The following ZNF705G variants were observed in gnomAD, a reference collection of about 807,000 sequenced individuals.
ZNF705G encodes the protein zinc finger protein 705G, also known as putative zinc finger protein 705G.
Under a neutral mutation model 19.6 loss-of-function variants are expected in ZNF705G, and 23 were observed. That is an observed-to-expected ratio of 1.17 (90% CI 0.84 to 1.66). The LOEUF (loss-of-function observed/expected upper bound fraction) is 1.66. Among genes scored for constraint, ZNF705G ranks in the 40% most tolerant of loss-of-function variants. The pLI, the probability that ZNF705G is intolerant of heterozygous loss-of-function variation, is 0.00. For synonymous variants in ZNF705G, 146 were observed against 117.7 expected (o/e 1.24, Z -1.56); for missense variants, 457 against 354.4 (o/e 1.29, Z -2.32).
At chr8:7,371,035 G>A (rs1263975990) in intron 2 of ZNF705G, among the ~76,000 whole-genome samples, 1 of 135,120 alleles carries the variant, frequency 7.4e-6, no homozygotes, top group Admixed American at 7.6e-5. Context: ...GATATTAGGA[G>A]GGGAACAACA....
intron 1 of ZNF705G, among the ~76,000 whole-genome samples, chr8:7,382,045 G>T (rs1163201592): frequency 3.3e-5 from 5 of 152,098 alleles, no homozygotes; most frequent in Non-Finnish European, 7.4e-5. Context: ...ACACAAGGGC[G>T]TGATACAAAA....
In ZNF705G at chr8:7,381,129, G is replaced by A. The variant is rs369164591; in HGVS notation, c.-72+323C>T. On this transcript the variant is annotated intron_variant, in intron 2 of 6. Coordinates refer to ENST00000400156, the MANE Select transcript of ZNF705G (RefSeq NM_001164457.3). ...ATTTGTTATTAGTATTAGTGTTGTCGTTGCCATTGCTTTGATTCACATGGA... is the reference window on the plus strand; with the variant it reads ...ATTTGTTATTAGTATTAGTGTTGTCATTGCCATTGCTTTGATTCACATGGA... Among the ~76,000 whole-genome samples, 27 of 125,874 alleles carry A rather than the reference G, an allele frequency of 2.1e-4. 1 individual carries two copies. The highest frequency in any genetic ancestry group is 3.7e-4 in the African/African-American group (9 of 24,458). The allele number at this position is 125,874 out of a possible 152,430, so 82.6% of individuals were successfully genotyped here. A position where few individuals can be genotyped will look rare whatever the true frequency, so the allele number is the denominator to read the frequency against.
At chr8:7,358,613 A>G (rs1806409429) in intron 6 of ZNF705G, 53 bp from the exon 7 acceptor site, 3 of 1,601,368 alleles carry the variant, frequency 1.9e-6, no homozygotes, top group Non-Finnish European at 2.5e-6. Context: ...ATATCTATAC[A>G]TTCATTTCAC....
At chr8:7,369,096 C>T (rs1343111457) in intron 2 of ZNF705G, among the ~76,000 whole-genome samples, 3 of 149,454 alleles carry the variant, frequency 2.0e-5, no homozygotes, top group Non-Finnish European at 4.4e-5. Flanking sequence ...CCTTATCAAA[C>T]CATCACAACT....
Position 7,368,304 on chromosome 8 carries a change from CT to C in ZNF705G, c.-71-5288del, listed in dbSNP as rs898476377. 2.7e-5 allele frequency among the ~76,000 whole-genome samples: 4 copies of C among 149,232 alleles called. No homozygotes were observed. In the East Asian group the frequency reaches 7.7e-4, roughly 29 times the overall value. Reference sequence around the variant, plus strand: ...GAAGGAAAAATATGAACATTAATTCCTTTTTTTAATCATAAGTACTTTTGAG... The same window carrying C: ...GAAGGAAAAATATGAACATTAATTCCTTTTTTAATCATAAGTACTTTTGAG... On this transcript the variant is annotated intron_variant, in intron 2 of 6. Coordinates refer to ENST00000400156, the MANE Select transcript of ZNF705G (RefSeq NM_001164457.3).
At position 7,358,094 on chromosome 8, in the gene ZNF705G, C is replaced by T. The variant is rs1323412568; in HGVS notation, c.785G>A (p.Gly262Glu). ...GCCAGAGCTTTGACTAAAGGCTTTC[C>T]CACTTTTATCACATTCATAACACTT... ...GKKCYECDKS[G>E]KAFSQSSGFR... Residue 262 changes from glycine to glutamate, a missense_variant, in exon 7 of 7, where the codon GGG becomes GAG. Coordinates refer to ENST00000400156, the MANE Select transcript of ZNF705G (RefSeq NM_001164457.3). The T allele has an allele frequency of 1.5e-5, 24 of 1,607,916 alleles. No homozygotes were observed. Among genetic ancestry groups the T allele is most frequent in the Non-Finnish European group, 1.9e-5 (23 of 1,179,762 alleles).
At chr8:7,361,071 T>A (rs1563290688) in intron 4 of ZNF705G, 39 bp downstream of exon 4, 1 of 1,592,770 alleles carries the variant, frequency 6.3e-7, no homozygotes, top group South Asian at 1.1e-5. Flanking sequence ...AATGAGTGAA[T>A]GTGTCTCTAC....
At chr8:7,371,293 T>C (rs1348720371) in intron 2 of ZNF705G, among the ~76,000 whole-genome samples, 1 of 122,972 alleles carries the variant, frequency 8.1e-6, no homozygotes, top group African/African-American at 3.1e-5. Context: ...AGTAGAATGG[T>C]GGTTGCCAGG....
chr8:7,375,994 C>T lies in ZNF705G; in HGVS notation c.-72+5458G>A, dbSNP rs1267209555. Reference sequence around the variant, plus strand: ...CTATACTAATCTCTTATGACTCTTCCAGCTGCAAAGGGCCAATTTTAGCAC... The same window carrying T: ...CTATACTAATCTCTTATGACTCTTCTAGCTGCAAAGGGCCAATTTTAGCAC... On this transcript the variant is annotated intron_variant, in intron 2 of 6. Coordinates refer to ENST00000400156, the MANE Select transcript of ZNF705G (RefSeq NM_001164457.3). Among the ~76,000 whole-genome samples, 3 of 86,852 alleles carry T rather than the reference C, an allele frequency of 3.5e-5. 1 individual carries two copies. The highest frequency in any genetic ancestry group is 8.1e-4 in the South Asian group (2 of 2,454). The allele number at this position is 86,852 out of a possible 152,430, so 57.0% of individuals were successfully genotyped here. A position where few individuals can be genotyped will look rare whatever the true frequency, so the allele number is the denominator to read the frequency against.
rs3958827 is a variant in ZNF705G, at chr8:7,369,628, C to T, written c.-71-6611G>A. Among the ~76,000 whole-genome samples the T allele has an allele frequency of 2.0e-5, 3 of 149,592 alleles. No homozygotes were observed. In the East Asian group the frequency reaches 5.8e-4, roughly 29 times the overall value. ...TTTATTATAGCATTATTTGCAATAG[C>T]AAAGACATGGAATCAACCTAGATGC... is the stretch of plus-strand genomic sequence containing the variant. On this transcript the variant is annotated intron_variant, in intron 2 of 6. Coordinates refer to ENST00000400156, the MANE Select transcript of ZNF705G (RefSeq NM_001164457.3).
chr8:7,367,103 T>G (rs1328014933), intron 2 of ZNF705G, among the ~76,000 whole-genome samples: 11 of 149,578 alleles, frequency 7.4e-5, no homozygotes, highest in Non-Finnish European at 1.3e-4. Context: ...GGCACACAAA[T>G]AGTGAACACA....
chr8:7,378,836 C>T (rs576085404), intron 2 of ZNF705G, among the ~76,000 whole-genome samples: 1 of 146,984 alleles, frequency 6.8e-6, no homozygotes, highest in Admixed American at 6.6e-5. Context: ...AGGTGATTAA[C>T]AGCCTTAATT....
chr8:7,367,094 G>A (rs1399875313), intron 2 of ZNF705G, among the ~76,000 whole-genome samples: 1 of 149,602 alleles, frequency 6.7e-6, no homozygotes. Context: ...AATGGAAAAG[G>A]CACACAAATA....
intron 1 of ZNF705G, among the ~76,000 whole-genome samples, chr8:7,382,726 C>T (rs1807550314): frequency 6.8e-6 from 1 of 146,724 alleles, no homozygotes; most frequent in Non-Finnish European, 1.5e-5. Context: ...ATACCACTGA[C>T]ATTACCTTAT....
At position 7,361,088 on chromosome 8, in the gene ZNF705G, A is replaced by G. The variant is rs767999107; in HGVS notation, c.139+22T>C. 7 of 1,592,748 alleles carry G rather than the reference A, an allele frequency of 4.4e-6. No individual in the cohort carries two copies. In the African/African-American group the frequency reaches 5.6e-5, roughly 13 times the overall value. On this transcript the variant is annotated intron_variant, in intron 4 of 6. Transcript: ENST00000400156. ...TGAGTGAATGTGTCTCTACATATGTACATGAATGTTCAGGGACTCACCGAG... is the reference window on the plus strand; with the variant it reads ...TGAGTGAATGTGTCTCTACATATGTGCATGAATGTTCAGGGACTCACCGAG...
intron 2 of ZNF705G, among the ~76,000 whole-genome samples, chr8:7,363,626 G>A (rs1313993437): frequency 6.7e-6 from 1 of 149,426 alleles, no homozygotes; most frequent in Non-Finnish European, 1.5e-5. Context: ...TTCGAGACTA[G>A]CCTGGCCAAC....
At position 7,355,648 on chromosome 8, in the gene ZNF705G, T is replaced by C. The variant is rs1404546181; in HGVS notation, c.*2328A>G. On this transcript the variant is annotated 3_prime_UTR_variant, in exon 7 of 7. Transcript: ENST00000400156. ...ATAAGAGAAGCATTCTGTGTTACGCTTTAATAATGGCTGGAGATCTGCCAC... is the reference window on the plus strand; with the variant it reads ...ATAAGAGAAGCATTCTGTGTTACGCCTTAATAATGGCTGGAGATCTGCCAC... The C allele has an allele frequency of 6.7e-6, 1 of 149,756 alleles. No individual in the cohort carries two copies. Among genetic ancestry groups the C allele is most frequent in the Non-Finnish European group, 1.5e-5 (1 of 68,014 alleles). The allele number at this position is 149,756 out of a possible 1,614,324, so 9.3% of individuals were successfully genotyped here. A position where few individuals can be genotyped will look rare whatever the true frequency, so the allele number is the denominator to read the frequency against.
In ZNF705G at chr8:7,357,269, A is replaced by G. The variant is rs1806315484; in HGVS notation, c.*707T>C. On this transcript the variant is annotated 3_prime_UTR_variant, in exon 7 of 7. Transcript: ENST00000400156. ...TCCAGTAAGAAGTATTTGGTATTCC[A>G]AGAGAATTCATTGCCCTTGGAAAGA... 1 of 151,704 alleles carries G rather than the reference A, an allele frequency of 6.6e-6. No individual in the cohort carries two copies. Among genetic ancestry groups the G allele is most frequent in the Admixed American group, 6.4e-5 (1 of 15,520 alleles). The allele number at this position is 151,704 out of a possible 1,614,324, so 9.4% of individuals were successfully genotyped here. A position where few individuals can be genotyped will look rare whatever the true frequency, so the allele number is the denominator to read the frequency against.
chr8:7,379,060 T>A (rs1461601036), intron 2 of ZNF705G, among the ~76,000 whole-genome samples: 1 of 150,700 alleles, frequency 6.6e-6, no homozygotes, highest in Non-Finnish European at 1.5e-5. Flanking sequence ...AGTTTTCTTT[T>A]TTGTGTAAAG....
Sources: gnomAD v4.1 joint callset for allele counts (sites outside exome capture counted in the v4.1 genomes callset) on GRCh38, gnomAD v4.1.1 for gene constraint, MANE v1.5 for transcripts, NCBI Gene and HGNC (gene_info 2026-07-23, HGNC 2026-07-21) for gene names.